Variants in KIF26B observed in about 807,000 individuals in gnomAD.
The protein encoded by KIF26B is kinesin family member 26B.
KIF26B carries 63 observed loss-of-function variants against 151.2 expected under a neutral mutation model. The ratio of observed to expected loss-of-function variants is 0.42; its 90% CI spans 0.34 to 0.51. The LOEUF (loss-of-function observed/expected upper bound fraction) is 0.51, where lower values mean the gene tolerates loss of function less well. Ranked by LOEUF, KIF26B falls within the 20% of genes least tolerant of loss-of-function variation. The pLI is 0.07. For synonymous variants in KIF26B, 1,357 were observed against 1,262.1 expected (o/e 1.08, Z -1.59); for missense variants, 2,813 against 2,913.6 (o/e 0.97, Z 0.79).
At chr1:245,697,732 G>T (rs2044713237) in intron 12 of KIF26B, among the ~76,000 whole-genome samples, 1 of 152,100 alleles carries the variant, frequency 6.6e-6, no homozygotes, top group Admixed American at 6.5e-5. Flanking sequence ...ATATTTAAAA[G>T]ATTGAAATTC....
In KIF26B at chr1:245,557,371, G is replaced by A. The variant is rs140367400; in HGVS notation, c.1350+16421G>A. ...TCCTGGCTTTGCCTCCTCTGCCGTC[G>A]TCGCAGCCGGCAGGTCCCAGCTCTC... is the stretch of plus-strand genomic sequence containing the variant. On this transcript the variant is annotated intron_variant, in intron 5 of 14. Transcript: ENST00000407071. Among the ~76,000 whole-genome samples the A allele has an allele frequency of 1.4e-3, 206 of 152,294 alleles. 1 individual carries two copies. Among genetic ancestry groups the A allele is most frequent in the Middle Eastern group, 0.01 (3 of 294 alleles).
At chr1:245,180,757 C>T (rs1172969848) in intron 2 of KIF26B, among the ~76,000 whole-genome samples, 2 of 152,154 alleles carry the variant, frequency 1.3e-5, no homozygotes. Context: ...GGAAGCCGAG[C>T]TACAGAGACA....
At chr1:245,181,976 A>C (rs1232674273) in intron 2 of KIF26B, among the ~76,000 whole-genome samples, 2 of 152,182 alleles carry the variant, frequency 1.3e-5, no homozygotes, top group African/African-American at 4.8e-5. Context: ...TTATTGAGAT[A>C]CAATTTATGT....
chr1:245,163,983 C>CT (rs1668573312), intron 2 of KIF26B, among the ~76,000 whole-genome samples: 1 of 152,186 alleles, frequency 6.6e-6, no homozygotes, highest in African/African-American at 2.4e-5. Flanking sequence ...TAAGTGTTTT[C>CT]TCTTTTTTGT....
At position 245,685,576 on chromosome 1, in the gene KIF26B, G is replaced by A. The variant is rs201455964; in HGVS notation, c.2593G>A (p.Val865Ile). The A allele has an allele frequency of 1.5e-4, 241 of 1,613,754 alleles. No homozygotes were observed. The highest frequency in any genetic ancestry group is 8.2e-4 in the Middle Eastern group (5 of 6,084). Residue 865 changes from valine (V) to isoleucine (I), a missense_variant, in exon 12 of 15, where the codon GTC (valine) becomes ATC (isoleucine). Around this residue, in one of 3 missense-constraint regions of KIF26B, gnomAD observed 2,060 missense variants for 2,088.6 expected, o/e 0.99. Coordinates refer to ENST00000407071, the MANE Select transcript of KIF26B (RefSeq NM_018012.4). ...CAGCAGCGAGCAGTCCTGCGACACC[G>A]TCATCTACATCGGGCCCAACGGCAC... ...SSSSEQSCDT[V>I]IYIGPNGTAL... is the part of the protein sequence containing the mutation.
chr1:245,298,664 A>G (rs896871530), intron 2 of KIF26B, among the ~76,000 whole-genome samples: 1 of 152,216 alleles, frequency 6.6e-6, no homozygotes, highest in Non-Finnish European at 1.5e-5. Flanking sequence ...TGTTACATAT[A>G]CCACACAGAA....
intron 5 of KIF26B, among the ~76,000 whole-genome samples, chr1:245,571,269 C>T (rs1208927717): frequency 6.6e-6 from 1 of 152,176 alleles, no homozygotes; most frequent in African/African-American, 2.4e-5. Context: ...TTAGGACTGA[C>T]CGGGGCTCCC....
chr1:245,202,656 A>G (rs889101399), intron 2 of KIF26B, among the ~76,000 whole-genome samples: 1 of 148,962 alleles, frequency 6.7e-6, no homozygotes, highest in Non-Finnish European at 1.5e-5. Flanking sequence ...GCTACTCAGG[A>G]GGCTGAGGCA....
rs2044553487 is a variant in KIF26B, at chr1:245,687,817, G to A, written c.4834G>A (p.Ala1612Thr). The change falls in exon 12 of 15, where the codon GCC becomes ACC. Residue 1612 changes from alanine (A) to threonine (T), a missense_variant. Ala to Thr is a moderately conservative substitution (Grantham distance 58, BLOSUM62 0). This residue lies in a region of KIF26B where 2,060 missense variants were observed against 2,088.6 expected (regional missense o/e 0.99). Transcript: ENST00000407071. The surrounding 1 kb of genome is among the most constrained non-coding windows in gnomAD (Gnocchi z 4.9). ...GTCCAGCCTGGACCAGAAGAACCGG[G>A]CCAGCCCTCAGCACAGTGCCAGCGG... ...RKSSLDQKNR[A>T]SPQHSASGSG... is the part of the protein sequence containing the mutation. The A allele has an allele frequency of 6.3e-7, 1 of 1,596,002 alleles. No homozygotes were observed. The highest frequency in any genetic ancestry group is 8.5e-7 in the Non-Finnish European group (1 of 1,172,006).
At chr1:245,520,611 C>CCCACCCATCCATCCATCCAT (rs1661079316) in intron 4 of KIF26B, among the ~76,000 whole-genome samples, 2 of 78,682 alleles carry the variant, frequency 2.5e-5, no homozygotes, top group African/African-American at 7.2e-5. Context: ...CACCCACCCA[C>CCCACCCATCCATCCATCCAT]CCATCCATCC....
In KIF26B at chr1:245,685,657, A is replaced by G. The variant is rs372768860; in HGVS notation, c.2674A>G (p.Ile892Val). ...DNEGPPDFVP[I>V]VPALQKTRGD... ...CGAGGGCCCCCCAGACTTTGTCCCT[A>G]TCGTGCCAGCCCTGCAGAAGACCCG... Residue 892 changes from isoleucine to valine, a missense_variant, in exon 12 of 15, where the codon ATC becomes GTC. Coordinates refer to ENST00000407071, the MANE Select transcript of KIF26B (RefSeq NM_018012.4). The G allele has an allele frequency of 6.2e-7, 1 of 1,613,216 alleles. No individual in the cohort carries two copies. The highest frequency in any genetic ancestry group is 1.1e-5 in the South Asian group (1 of 91,036).
At chr1:245,449,234 TGTC>T (rs1425886846) in intron 4 of KIF26B, among the ~76,000 whole-genome samples, 4 of 152,308 alleles carry the variant, frequency 2.6e-5, no homozygotes, top group East Asian at 1.9e-4. Context: ...GACAGATCCT[TGTC>T]GTATGGAAGT....
At chr1:245,160,315 T>C (rs1287224700) in intron 2 of KIF26B, among the ~76,000 whole-genome samples, 3 of 152,236 alleles carry the variant, frequency 2.0e-5, no homozygotes, top group Admixed American at 6.5e-5. Context: ...TGTGGACGTG[T>C]AAAGTGTTGA....
At chr1:245,554,209 T>C (rs562220024) in intron 5 of KIF26B, among the ~76,000 whole-genome samples, 2 of 152,302 alleles carry the variant, frequency 1.3e-5, no homozygotes, top group East Asian at 3.9e-4. Flanking sequence ...TGGGTCTAGG[T>C]TTTCTCCTCC....
chr1:245,328,222 A>G (rs1672032702), intron 2 of KIF26B, among the ~76,000 whole-genome samples: 1 of 138,148 alleles, frequency 7.2e-6, no homozygotes, highest in Non-Finnish European at 1.5e-5. Flanking sequence ...GGAGCATGTC[A>G]TTATGGGGGA....
intron 2 of KIF26B, among the ~76,000 whole-genome samples, chr1:245,303,697 G>A (rs1407245532): frequency 6.6e-6 from 1 of 152,206 alleles, no homozygotes; most frequent in Non-Finnish European, 1.5e-5. Flanking sequence ...AGGAAACATG[G>A]AATTCCCCCA....
At chr1:245,373,368 A>T (rs556211988) in intron 3 of KIF26B, among the ~76,000 whole-genome samples, 3 of 152,342 alleles carry the variant, frequency 2.0e-5, no homozygotes, top group African/African-American at 7.2e-5. Flanking sequence ...TGTCTTAATC[A>T]TACTTAATAA....
intron 5 of KIF26B, among the ~76,000 whole-genome samples, chr1:245,578,794 C>T (rs2043148636): frequency 6.6e-6 from 1 of 152,200 alleles, no homozygotes; most frequent in Admixed American, 6.5e-5. Flanking sequence ...TGCCTTTCCT[C>T]TAGACACAGG....
intron 5 of KIF26B, among the ~76,000 whole-genome samples, chr1:245,570,097 G>A (rs532200862): frequency 3.1e-4 from 47 of 151,424 alleles, no homozygotes; most frequent in African/African-American, 1.1e-3. Flanking sequence ...CACCACACCC[G>A]GCTAATTTTT....
Sources: allele counts gnomAD v4.1 joint callset (sites outside exome capture counted in the v4.1 genomes callset), GRCh38; gene constraint gnomAD v4.1.1; regional missense constraint gnomAD v4.1.1; non-coding constraint Gnocchi (gnomAD v3.1); transcripts MANE v1.5; gene names NCBI Gene and HGNC (gene_info 2026-07-23, HGNC 2026-07-21).